CCDC88A: variants seen among roughly 807,000 people sequenced by gnomAD.
The protein encoded by CCDC88A is girdin.
A neutral mutation model predicts 234.3 loss-of-function variants in CCDC88A; 54 were observed. That is an observed-to-expected ratio of 0.23 (90% CI 0.19 to 0.29). The LOEUF (loss-of-function observed/expected upper bound fraction) is 0.29. Ranked by LOEUF, CCDC88A falls within the 10% of genes least tolerant of loss-of-function variation. CCDC88A has a pLI of 1.00. For synonymous variants in CCDC88A, 753 were observed against 737.8 expected (o/e 1.02, Z -0.33); for missense variants, 1,832 against 2,123.4 (o/e 0.86, Z 2.70).
chr2:55,305,625 T>A (rs1361767114), intron 25 of CCDC88A, among the ~76,000 whole-genome samples: 1 of 152,186 alleles, frequency 6.6e-6, no homozygotes, highest in Non-Finnish European at 1.5e-5. Flanking sequence ...GGCAGGAGAA[T>A]AGCTTGGGGC....
At chr2:55,333,087 C>A (rs962447176) in intron 15 of CCDC88A, among the ~76,000 whole-genome samples, 3 of 152,078 alleles carry the variant, frequency 2.0e-5, no homozygotes, top group Non-Finnish European at 4.4e-5. Context: ...GTGAAAGAGG[C>A]CCTATGATAC....
At chr2:55,388,701 T>G in intron 3 of CCDC88A, 77 bp downstream of exon 3, 1 of 647,492 alleles carries the variant, frequency 1.5e-6, no homozygotes, top group Non-Finnish European at 2.8e-6. Flanking sequence ...TTTAAATATT[T>G]GTGAGATGAC....
At chr2:55,361,405 G>C (rs916806537) in intron 7 of CCDC88A, among the ~76,000 whole-genome samples, 2 of 151,962 alleles carry the variant, frequency 1.3e-5, no homozygotes, top group Non-Finnish European at 2.9e-5. Context: ...TTTAATTGTT[G>C]CTCTAAAAAT....
At chr2:55,320,039 T>C (rs893646162) in intron 18 of CCDC88A, among the ~76,000 whole-genome samples, 2 of 152,116 alleles carry the variant, frequency 1.3e-5, no homozygotes, top group African/African-American at 4.8e-5. Context: ...ACCCACATAT[T>C]ATACCATAAA....
intron 2 of CCDC88A, among the ~76,000 whole-genome samples, chr2:55,389,325 T>C (rs1676205478): frequency 6.6e-6 from 1 of 152,144 alleles, no homozygotes; most frequent in Non-Finnish European, 1.5e-5. Flanking sequence ...AAGGTTAAAG[T>C]GGATGACACA....
chr2:55,327,234 T>C (rs1684379365), intron 17 of CCDC88A, among the ~76,000 whole-genome samples: 1 of 152,144 alleles, frequency 6.6e-6, no homozygotes, highest in Non-Finnish European at 1.5e-5. Flanking sequence ...ACTGGAACAT[T>C]CTATGTTACT....
At chr2:55,387,462 C>G (rs904011344) in intron 3 of CCDC88A, among the ~76,000 whole-genome samples, 2 of 151,016 alleles carry the variant, frequency 1.3e-5, no homozygotes, top group African/African-American at 4.9e-5. Context: ...AATTTTAAAC[C>G]AGGAGAAAGG....
chr2:55,380,158 C>T (rs996332253), intron 3 of CCDC88A, among the ~76,000 whole-genome samples: 30 of 150,558 alleles, frequency 2.0e-4, no homozygotes, highest in African/African-American at 7.3e-4. Flanking sequence ...ATCACTTGAA[C>T]TTGGGAGATG....
chr2:55,378,982 G>C (rs902915028), intron 3 of CCDC88A, among the ~76,000 whole-genome samples: 1 of 152,128 alleles, frequency 6.6e-6, no homozygotes, highest in Non-Finnish European at 1.5e-5. Context: ...CTGACACTGA[G>C]TGATCCACTC....
chr2:55,398,688 G>A (rs2104933216), intron 2 of CCDC88A, among the ~76,000 whole-genome samples: 1 of 151,666 alleles, frequency 6.6e-6, no homozygotes, highest in South Asian at 2.1e-4. Context: ...CAAAGCAAGA[G>A]GATTGTGTAA....
At chr2:55,364,102 T>A in intron 5 of CCDC88A, 69 bp from the exon 6 acceptor site, 2 of 682,648 alleles carry the variant, frequency 2.9e-6, no homozygotes, top group Non-Finnish European at 2.4e-6. Context: ...TATATATAAC[T>A]AAAACTTTAT....
intron 2 of CCDC88A, among the ~76,000 whole-genome samples, chr2:55,401,499 C>A (rs1314280991): frequency 1.3e-4 from 7 of 54,610 alleles, no homozygotes; most frequent in Admixed American, 2.8e-4. Flanking sequence ...TGTGTGTATA[C>A]ATATATATAT....
rs574850431 is a variant in CCDC88A at position 55,383,294 on chromosome 2, A to G, written c.273+5484T>C. Reference sequence around the variant, plus strand: ...TTTGAATTTTAACTTATCCAAATTCACTTTCCCCTTTGTGAGTCAGAATAA... The same window carrying G: ...TTTGAATTTTAACTTATCCAAATTCGCTTTCCCCTTTGTGAGTCAGAATAA... On this transcript the variant is annotated intron_variant, in intron 3 of 32. Transcript: ENST00000436346. 2.0e-5 allele frequency among the ~76,000 whole-genome samples: 3 copies of G among 152,188 alleles called. No individual in the cohort carries two copies. In the East Asian group the frequency reaches 5.8e-4, roughly 29 times the overall value.
intron 31 of CCDC88A, chr2:55,295,049 A>G: frequency 7.9e-7 from 1 of 1,262,802 alleles, no homozygotes; most frequent in Non-Finnish European, 1.0e-6. Context: ...AATATATTAT[A>G]TTGTGCAGTT....
chr2:55,399,844 C>T (rs960065209), intron 2 of CCDC88A: 16 of 47,836 alleles, frequency 3.3e-4, no homozygotes, highest in African/African-American at 6.7e-4. Flanking sequence ...GAAAAGAAAA[C>T]AGTATTAAAA....
Position 55,377,985 on chromosome 2 carries a change from G to A in CCDC88A, c.274-3102C>T, listed in dbSNP as rs577365466. Among the ~76,000 whole-genome samples, 15 of 152,100 alleles carry A rather than the reference G, an allele frequency of 9.9e-5. No individual in the cohort carries two copies. In the South Asian group the frequency reaches 2.5e-3, roughly 25 times the overall value. On this transcript the variant is annotated intron_variant, in intron 3 of 32. Transcript: ENST00000436346. ...GATGTTAGAGATAAAACTCATTTAC[G>A]TCACTTATTTTTGACTAACGAGTCA...
At chr2:55,388,652 A>C in intron 3 of CCDC88A, 126 bp downstream of exon 3, 2 of 504,728 alleles carry the variant, frequency 4.0e-6, no homozygotes, top group South Asian at 6.1e-5. Flanking sequence ...TACTACTCTA[A>C]CTCTAGCAAA....
chr2:55,393,649 G>C (rs1470783234), intron 2 of CCDC88A, among the ~76,000 whole-genome samples: 2 of 151,882 alleles, frequency 1.3e-5, no homozygotes, highest in East Asian at 3.9e-4. Context: ...TCAAAACTTA[G>C]TTTACTCAGT....
chr2:55,295,071 C>T (rs1226552618), intron 31 of CCDC88A: 2 of 1,294,026 alleles, frequency 1.5e-6, no homozygotes, highest in African/African-American at 1.5e-5. Context: ...TGATCATATA[C>T]AACCATATTC....
Sources: gnomAD v4.1 joint callset for allele counts (sites outside exome capture counted in the v4.1 genomes callset) on GRCh38, gnomAD v4.1.1 for gene constraint, MANE v1.5 for transcripts, NCBI Gene and HGNC (gene_info 2026-07-23, HGNC 2026-07-21) for gene names.